Variants in NUMB observed in about 807,000 individuals in gnomAD.
NUMB encodes the protein protein numb homolog.
Under a neutral mutation model 59.7 loss-of-function variants are expected in NUMB, and 29 were observed. The ratio of observed to expected loss-of-function variants is 0.49; its 90% confidence interval spans 0.36 to 0.66. The LOEUF is 0.66. NUMB is among the 30% of genes least tolerant of loss of function. NUMB has a pLI of 0.00. For missense variants in NUMB, 723 were observed against 822.0 expected (o/e 0.88, Z 1.47); for synonymous variants, 288 against 288.2 (o/e 1.00, Z 0.01).
chr14:73,304,904 G>A (rs1890341180), intron 6 of NUMB, among the ~76,000 whole-genome samples: 2 of 152,164 alleles, frequency 1.3e-5, no homozygotes, highest in East Asian at 1.9e-4. Context: ...GGGATTACAG[G>A]TGCCTGCCAC....
At chr14:73,297,090 C>G (rs1047413162) in intron 7 of NUMB, 121 bp downstream of exon 7, 28 of 608,726 alleles carry the variant, frequency 4.6e-5, no homozygotes, top group Non-Finnish European at 7.8e-5. Context: ...TCGCTTGAAC[C>G]TGGGAGGTGG....
intron 4 of NUMB, among the ~76,000 whole-genome samples, chr14:73,345,728 T>G (rs1378018874): frequency 6.6e-6 from 1 of 151,624 alleles, no homozygotes; most frequent in Non-Finnish European, 1.5e-5. Context: ...GCCAACATGG[T>G]AAAACCCCAG....
chr14:73,428,722 C>A (rs563851504), intron 1 of NUMB, among the ~76,000 whole-genome samples: 332 of 152,130 alleles, frequency 2.2e-3, no homozygotes, highest in African/African-American at 7.6e-3. Flanking sequence ...GAGTTCAAGG[C>A]TTGAGCTTGA....
intron 1 of NUMB, among the ~76,000 whole-genome samples, chr14:73,445,354 C>CAAAAAAAAAAAA (rs752154048): frequency 5.4e-4 from 31 of 57,564 alleles, no homozygotes; most frequent in African/African-American, 7.3e-4. Flanking sequence ...GACCCTGTCT[C>CAAAAAAAAAAAA]AAAAAAAAAA....
chr14:73,386,013 C>A (rs1172189033), intron 2 of NUMB, among the ~76,000 whole-genome samples: 1 of 152,046 alleles, frequency 6.6e-6, no homozygotes, highest in African/African-American at 2.4e-5. Flanking sequence ...AACTAGCGGG[C>A]TTTTCTAGAA....
intron 4 of NUMB, among the ~76,000 whole-genome samples, chr14:73,324,736 A>C (rs1891576263): frequency 6.6e-6 from 1 of 152,206 alleles, no homozygotes; most frequent in East Asian, 1.9e-4. Flanking sequence ...GAATTCACAG[A>C]ATAGGTACTT....
chr14:73,323,253 C>CT, intron 4 of NUMB, 49 bp from the exon 5 acceptor site: 3 of 1,276,154 alleles, frequency 2.4e-6, no homozygotes, highest in African/African-American at 1.5e-5. Flanking sequence ...TACCAAGTAG[C>CT]TACTATACAG....
intron 9 of NUMB, 168 bp downstream of exon 9, chr14:73,286,942 T>A: frequency 4.6e-6 from 3 of 648,826 alleles, no homozygotes; most frequent in South Asian, 3.7e-5. Flanking sequence ...GCCATTAAAC[T>A]AGCCACTCTA....
chr14:73,366,238 C>T (rs1245172484), intron 3 of NUMB, among the ~76,000 whole-genome samples: 2 of 152,144 alleles, frequency 1.3e-5, no homozygotes, highest in Non-Finnish European at 2.9e-5. Context: ...GTGAGATCTA[C>T]AAGCAGTTGC....
chr14:73,338,114 C>T (rs939484335), intron 4 of NUMB, among the ~76,000 whole-genome samples: 3 of 151,826 alleles, frequency 2.0e-5, no homozygotes, highest in Non-Finnish European at 4.4e-5. Context: ...GTGAGACCCC[C>T]CCACCCCCAA....
intron 1 of NUMB, among the ~76,000 whole-genome samples, chr14:73,417,834 C>G (rs1897196328): frequency 6.6e-6 from 1 of 152,160 alleles, no homozygotes; most frequent in African/African-American, 2.4e-5. Flanking sequence ...AGGCCGGGAG[C>G]CATGGCTCAT....
intron 4 of NUMB, among the ~76,000 whole-genome samples, chr14:73,338,073 C>A (rs1892442076): frequency 6.6e-6 from 1 of 152,042 alleles, no homozygotes; most frequent in South Asian, 2.1e-4. Flanking sequence ...TTGCTTGAGG[C>A]CAGGAGTTTG....
intron 2 of NUMB, among the ~76,000 whole-genome samples, chr14:73,405,348 C>T (rs1256245770): frequency 1.3e-5 from 2 of 152,106 alleles, no homozygotes; most frequent in African/African-American, 4.8e-5. Flanking sequence ...AGAAACAGAA[C>T]CCTCTAGCTC....
intron 1 of NUMB, among the ~76,000 whole-genome samples, chr14:73,438,314 G>A (rs1468699183): frequency 6.6e-6 from 1 of 152,100 alleles, no homozygotes; most frequent in Non-Finnish European, 1.5e-5. Context: ...ATATCCATTA[G>A]TGGAATATTC....
chr14:73,324,626 T>C (rs1039907533), intron 4 of NUMB, among the ~76,000 whole-genome samples: 8 of 152,098 alleles, frequency 5.3e-5, no homozygotes, highest in Non-Finnish European at 1.0e-4. Context: ...TTTTTTTTTT[T>C]TCAAGGTAGT....
chr14:73,308,192 T>G (rs188584169), intron 6 of NUMB, among the ~76,000 whole-genome samples: 3 of 152,030 alleles, frequency 2.0e-5, no homozygotes, highest in Admixed American at 6.5e-5. Flanking sequence ...GTGGTGGAGA[T>G]AGTGAGAATT....
rs546348510 is a variant in NUMB at position 73,456,472 on chromosome 14, A to G, written c.-233+2021T>C. 1.1e-4 allele frequency among the ~76,000 whole-genome samples: 17 copies of G among 152,378 alleles called. 1 individual carries two copies. The South Asian group carries it at 3.3e-3, about 30-fold the overall frequency. On this transcript the variant is annotated intron_variant, in intron 1 of 12. Transcript: ENST00000555238. ...TTTGGCCAGGAACTCAAAAAAAGAA[A>G]TACACTTTACATTGTGACCTAGTAC...
At chr14:73,425,916 C>T (rs1897557219) in intron 1 of NUMB, among the ~76,000 whole-genome samples, 1 of 150,966 alleles carries the variant, frequency 6.6e-6, no homozygotes, top group Non-Finnish European at 1.5e-5. Flanking sequence ...TCAAGCAATT[C>T]TCCTGCCTCA....
At chr14:73,434,796 A>G (rs1279658895) in intron 1 of NUMB, among the ~76,000 whole-genome samples, 1 of 152,218 alleles carries the variant, frequency 6.6e-6, no homozygotes, top group African/African-American at 2.4e-5. Context: ...TCAACTTATC[A>G]AAGTTCCCAC....
Sources: allele counts gnomAD v4.1 joint callset (sites outside exome capture counted in the v4.1 genomes callset), GRCh38; gene constraint gnomAD v4.1.1; transcripts MANE v1.5; gene names NCBI Gene and HGNC (gene_info 2026-07-23, HGNC 2026-07-21).